Variants in EXT1 observed in about 807,000 individuals in gnomAD.
The protein encoded by EXT1 is exostosin glycosyltransferase 1.
Under a neutral mutation model 82.5 loss-of-function variants are expected in EXT1, and 20 were observed. That is an observed-to-expected ratio of 0.24 (90% CI 0.17 to 0.35). The LOEUF is 0.35. Ranked by LOEUF, EXT1 falls within the 10% of genes least tolerant of loss-of-function variation. The probability of loss-of-function intolerance (pLI) is 1.00; values close to 1 mark genes in which losing one functional copy is unlikely to be tolerated. For missense variants in EXT1, 757 were observed against 936.5 expected, an observed-to-expected ratio of 0.81 and a Z score of 2.50; for synonymous variants, 348 against 350.8, an observed-to-expected ratio of 0.99 and a Z score of 0.09.
intron 1 of EXT1, among the ~76,000 whole-genome samples, chr8:118,029,168 C>T (rs952951839): frequency 1.1e-4 from 16 of 152,102 alleles, no homozygotes; most frequent in Non-Finnish European, 2.2e-4. Context: ...CAGGCTCATG[C>T]TTGTAATCCC....
chr8:117,904,162 G>A (rs769652714), intron 1 of EXT1, among the ~76,000 whole-genome samples: 2 of 152,212 alleles, frequency 1.3e-5, no homozygotes, highest in Admixed American at 6.5e-5. Context: ...AACTGGAAAC[G>A]TGAGAATAAC....
intron 1 of EXT1, among the ~76,000 whole-genome samples, chr8:118,000,542 T>C (rs13255959): frequency 0.38 from 57,837 of 152,104 alleles, 11,374 homozygotes; most frequent in Admixed American, 0.46. Flanking sequence ...ATGTCTTAGC[T>C]GTAGCTAGGA....
intron 1 of EXT1, among the ~76,000 whole-genome samples, chr8:117,865,334 A>AT (rs1398462620): frequency 1.3e-5 from 2 of 152,104 alleles, no homozygotes; most frequent in Non-Finnish European, 2.9e-5. Flanking sequence ...AATCTGCCTA[A>AT]TTTTTTAAAG....
At chr8:118,059,319 G>A (rs535228348) in intron 1 of EXT1, among the ~76,000 whole-genome samples, 4 of 152,246 alleles carry the variant, frequency 2.6e-5, no homozygotes, top group Admixed American at 1.3e-4. Context: ...TACCCTTCCC[G>A]CTATGGTCCT....
At chr8:117,938,351 A>C (rs1814209097) in intron 1 of EXT1, among the ~76,000 whole-genome samples, 1 of 152,238 alleles carries the variant, frequency 6.6e-6, no homozygotes, top group East Asian at 1.9e-4. Context: ...AATCCCAGCT[A>C]CTCAGGAGGC....
At chr8:117,909,213 A>T (rs1013405982) in intron 1 of EXT1, among the ~76,000 whole-genome samples, 1 of 152,316 alleles carries the variant, frequency 6.6e-6, no homozygotes, top group East Asian at 1.9e-4. Flanking sequence ...CCTATTCTAA[A>T]CTAAGAGTAA....
At chr8:118,042,479 G>C (rs1816550820) in intron 1 of EXT1, among the ~76,000 whole-genome samples, 1 of 152,050 alleles carries the variant, frequency 6.6e-6, no homozygotes, top group Admixed American at 6.6e-5. Flanking sequence ...ATTTTTAGTA[G>C]AGATGGAGTT....
chr8:117,798,181 T>C lies in EXT1; in HGVS notation c.*1531A>G, dbSNP rs1823112061. The C allele has an allele frequency of 6.6e-6, 1 of 152,186 alleles. No individual in the cohort carries two copies. The highest frequency in any genetic ancestry group is 2.4e-5 in the African/African-American group (1 of 41,438). The allele number at this position is 152,186 out of a possible 1,614,324, so 9.4% of individuals were successfully genotyped here. A position where few individuals can be genotyped will look rare whatever the true frequency, so the allele number is the denominator to read the frequency against. ...TTGAAATTATCAGAACAAAATTCTC[T>C]GATGAACTTTTCTTCTAAAACAAAA... is the stretch of plus-strand genomic sequence containing the variant. On this transcript the variant is annotated 3_prime_UTR_variant, in exon 11 of 11. Coordinates refer to ENST00000378204, the MANE Select transcript of EXT1 (RefSeq NM_000127.3).
chr8:117,857,529 T>A (rs557337707), intron 1 of EXT1, among the ~76,000 whole-genome samples: 5 of 103,542 alleles, frequency 4.8e-5, no homozygotes, highest in Non-Finnish European at 9.5e-5. Flanking sequence ...ACGGCAAGAC[T>A]TCCCCCCGCC....
intron 1 of EXT1, among the ~76,000 whole-genome samples, chr8:117,944,842 A>G (rs1814355041): frequency 1.3e-5 from 2 of 152,126 alleles, no homozygotes. Context: ...ACCTCTATGG[A>G]CCAGGTCTAT....
chr8:117,949,459 T>C (rs1372477100), intron 1 of EXT1, among the ~76,000 whole-genome samples: 1 of 150,450 alleles, frequency 6.6e-6, no homozygotes. Context: ...CTAGTTTGTG[T>C]GTGTATATAT....
intron 1 of EXT1, among the ~76,000 whole-genome samples, chr8:118,101,719 C>T (rs75420977): frequency 0.02 from 3,015 of 152,236 alleles, 98 homozygotes; most frequent in African/African-American, 0.068. Context: ...TTCAAAGGCC[C>T]CCTGGCAGGA....
At chr8:117,858,848 A>AAGGAAGGAAGGAAGGAAGGAAGGAAG (rs1563582262) in intron 1 of EXT1, among the ~76,000 whole-genome samples, 2 of 31,912 alleles carry the variant, frequency 6.3e-5, no homozygotes, top group Non-Finnish European at 1.1e-4. Flanking sequence ...AAGGAAGGAA[A>AAGGAAGGAAGGAAGGAAGGAAGGAAG]GAAAGAAAGA....
intron 10 of EXT1, among the ~76,000 whole-genome samples, chr8:117,801,705 CA>C (rs1443427289): frequency 1.3e-5 from 2 of 152,094 alleles, no homozygotes; most frequent in African/African-American, 4.8e-5. Context: ...GGGGTTTTGC[CA>C]TTTTGCCCAG....
intron 1 of EXT1, among the ~76,000 whole-genome samples, chr8:118,049,342 C>T (rs766143624): frequency 1.3e-5 from 2 of 152,128 alleles, no homozygotes; most frequent in Non-Finnish European, 2.9e-5. Context: ...TAAATGTAAC[C>T]TATAAGTGGG....
intron 1 of EXT1, among the ~76,000 whole-genome samples, chr8:117,916,116 G>A (rs769423524): frequency 6.6e-6 from 1 of 152,070 alleles, no homozygotes; most frequent in Non-Finnish European, 1.5e-5. Flanking sequence ...ACTATATCTT[G>A]ACACAGAAAA....
At chr8:118,020,214 G>A (rs1410789186) in intron 1 of EXT1, among the ~76,000 whole-genome samples, 10 of 152,110 alleles carry the variant, frequency 6.6e-5, no homozygotes, top group Admixed American at 2.0e-4. Context: ...GGATGCAATC[G>A]ACCCATCTGG....
chr8:118,098,074 T>C (rs1220123033), intron 1 of EXT1, among the ~76,000 whole-genome samples: 3 of 151,926 alleles, frequency 2.0e-5, no homozygotes, highest in Non-Finnish European at 4.4e-5. Flanking sequence ...CAGGCAGAGC[T>C]TGCCTGCCTT....
chr8:117,835,720 G>A (rs111686286), intron 2 of EXT1, among the ~76,000 whole-genome samples, 169 bp from the exon 3 acceptor site: 36 of 152,320 alleles, frequency 2.4e-4, no homozygotes, highest in South Asian at 2.1e-3. Context: ...CAAGTCACAC[G>A]AAGGTTGTAC....
Sources: allele counts gnomAD v4.1 joint callset (sites outside exome capture counted in the v4.1 genomes callset), GRCh38; gene constraint gnomAD v4.1.1; transcripts MANE v1.5; gene names NCBI Gene and HGNC (gene_info 2026-07-23, HGNC 2026-07-21).